Variants in ABCA10 observed in about 807,000 individuals in gnomAD.
ABCA10 encodes the protein ATP binding cassette subfamily A member 10.
Under a neutral mutation model 187.5 loss-of-function variants are expected in ABCA10, and 169 were observed. That is an observed-to-expected ratio of 0.90 (90% CI 0.80 to 1.02). The LOEUF is 1.02. ABCA10 is among the 50% of genes least tolerant of loss of function. The pLI is 0.00. For missense variants in ABCA10, 1,727 were observed against 1,812.4 expected, an observed-to-expected ratio of 0.95 and a Z score of 0.86; for synonymous variants, 574 against 601.8, an observed-to-expected ratio of 0.95 and a Z score of 0.68.
chr17:69,201,534 C>A lies in ABCA10; in HGVS notation c.1141G>T (p.Val381Leu), dbSNP rs766856480. The change falls in exon 10 of 39, where the codon GTG becomes TTG. Residue 381 changes from valine (V) to leucine (L), a missense_variant. By Grantham distance (32) the Val-to-Leu change is conservative. Transcript: ENST00000690296. ...EHSSDDSFEP[V>L]SPEFHGKEAI... ...TCTTTTCCATGGAATTCTGGAGACA[C>A]CGGTTCAAAAGAATCATCAGAGGAA... The A allele has an allele frequency of 9.2e-5, 148 of 1,605,070 alleles. No individual in the cohort carries two copies. The highest frequency in any genetic ancestry group is 1.2e-4 in the Non-Finnish European group (140 of 1,177,234).
In ABCA10 at chr17:69,221,830, C is replaced by T; in HGVS notation, c.265G>A (p.Val89Ile). Residue 89 changes from valine (V) to isoleucine (I), a missense_variant, in exon 5 of 39, where the codon GTA (valine) becomes ATA (isoleucine). Coordinates refer to ENST00000690296, the MANE Select transcript of ABCA10 (RefSeq NM_001377321.1). ...YLAKYWLKGF[V>I]AFQAAINAAI... Reference sequence around the variant, plus strand: ...GCATTAATTGCAGCTTGAAAAGCTACAAACCCTTTTAGCCAGTACTTTGCC... The same window carrying T: ...GCATTAATTGCAGCTTGAAAAGCTATAAACCCTTTTAGCCAGTACTTTGCC... The T allele has an allele frequency of 5.6e-6, 9 of 1,613,504 alleles. No individual in the cohort carries two copies. Among genetic ancestry groups the T allele is most frequent in the Non-Finnish European group, 6.8e-6 (8 of 1,179,752 alleles).
In ABCA10 at chr17:69,156,849, A is replaced by T; in HGVS notation, c.3438T>A (p.Asn1146Lys). The T allele has an allele frequency of 1.1e-5, 18 of 1,580,926 alleles. No individual in the cohort carries two copies. Among genetic ancestry groups the T allele is most frequent in the Non-Finnish European group, 1.5e-5 (18 of 1,161,642 alleles). The change falls in exon 28 of 39, where the codon AAT becomes AAA. Residue 1146 changes from asparagine to lysine, a missense_variant. Asn to Lys is a moderately conservative substitution (Grantham distance 94). Coordinates refer to ENST00000690296, the MANE Select transcript of ABCA10 (RefSeq NM_001377321.1). ...LEMKYGNEIMNKDPVFRISPR... is the reference protein window; with the variant it reads ...LEMKYGNEIMKKDPVFRISPR... Reference sequence around the variant, plus strand: ...TTCCCAACCTGAAAACTGGGTCTTTATTCATTATTTCATTTCCATACTTCA... The same window carrying T: ...TTCCCAACCTGAAAACTGGGTCTTTTTTCATTATTTCATTTCCATACTTCA...
intron 23 of ABCA10, 145 bp from the exon 24 acceptor site, chr17:69,174,922 C>T (rs1477625249): frequency 1.1e-5 from 7 of 645,956 alleles, no homozygotes; most frequent in Non-Finnish European, 1.6e-5. Context: ...AATCTAGCAT[C>T]TCCAATGGAA....
rs532025360 is a variant in ABCA10, at chr17:69,168,444, G to C, written c.3163-3361C>G. On this transcript the variant is annotated intron_variant, in intron 25 of 38. Transcript: ENST00000690296. ...TCCCAAGCAAAGTATCTGGCACATA[G>C]GAAGATACAATCAATATGAATGAAT... 3.1e-3 allele frequency among the ~76,000 whole-genome samples: 475 copies of C among 152,174 alleles called. 3 individuals are homozygous for C. Among genetic ancestry groups the C allele is most frequent in the African/African-American group, 0.011 (457 of 41,510 alleles).
chr17:69,214,612 A>T, intron 9 of ABCA10, 92 bp downstream of exon 9: 1 of 1,155,236 alleles, frequency 8.7e-7, no homozygotes, highest in South Asian at 2.3e-5. Flanking sequence ...ACTATCAGAA[A>T]TGCTTCTTAA....
rs771346448 is a variant in ABCA10, at chr17:69,214,768, GA to G, written c.941del (p.Phe314SerfsTer11). 3 of 1,513,220 alleles carry G rather than the reference GA, an allele frequency of 2.0e-6. No homozygotes were observed. Among genetic ancestry groups the G allele is most frequent in the East Asian group, 5.3e-5 (2 of 37,828 alleles). 93.7% of individuals were successfully genotyped at this position (1,513,220 alleles called of 1,614,324 possible). A position where few individuals can be genotyped will look rare whatever the true frequency, so the allele number is the denominator to read the frequency against. Reference sequence around the variant, plus strand: ...AGAAAAGAGTATCAAATGCCAAAATGAAAAAAGTGGCTATCATTTTGTATGA... The same window carrying G: ...AGAAAAGAGTATCAAATGCCAAAATGAAAAAGTGGCTATCATTTTGTATGA... ...GDSYKMIATF[F>X]ILAFDTLFYL... On this transcript the variant is annotated frameshift_variant, in exon 9 of 39. Coordinates refer to ENST00000690296, the MANE Select transcript of ABCA10 (RefSeq NM_001377321.1). LOFTEE classifies it high-confidence loss of function.
chr17:69,243,749 T>C (rs542680911), intron 1 of ABCA10, among the ~76,000 whole-genome samples: 1 of 152,074 alleles, frequency 6.6e-6, no homozygotes, highest in Non-Finnish European at 1.5e-5. Context: ...AATACGAAAA[T>C]TAGCTGAGTG....
chr17:69,173,528 T>G (rs1277646228), intron 25 of ABCA10, among the ~76,000 whole-genome samples: 1 of 152,020 alleles, frequency 6.6e-6, no homozygotes, highest in Non-Finnish European at 1.5e-5. Flanking sequence ...AGAGTCAAAG[T>G]GTAGACCTTG....
intron 9 of ABCA10, among the ~76,000 whole-genome samples, chr17:69,213,823 C>T (rs1385049945): frequency 1.3e-5 from 2 of 152,178 alleles, no homozygotes; most frequent in Non-Finnish European, 2.9e-5. Context: ...AAAGTTATTA[C>T]AAAATTCAGC....
Position 69,174,410 on chromosome 17 carries a change from A to C in ABCA10, c.3049-16T>G, listed in dbSNP as rs370147247. 3 of 1,554,362 alleles carry C rather than the reference A, an allele frequency of 1.9e-6. No homozygotes were observed. The highest frequency in any genetic ancestry group is 2.6e-6 in the Non-Finnish European group (3 of 1,144,338). On this transcript the variant is annotated splice_polypyrimidine_tract_variant and intron_variant, in intron 24 of 38. Coordinates refer to ENST00000690296, the MANE Select transcript of ABCA10 (RefSeq NM_001377321.1). ...TGCATACCACCTGCAAATAATGAGGATCAATGGCAAGATTAGAAATGGCAG... is the reference window on the plus strand; with the variant it reads ...TGCATACCACCTGCAAATAATGAGGCTCAATGGCAAGATTAGAAATGGCAG...
chr17:69,148,885 A>C lies in ABCA10; in HGVS notation c.4574T>G (p.Val1525Gly), dbSNP rs1370201602. Residue 1525 changes from valine to glycine, a missense_variant, in exon 39 of 39, where the codon GTT (valine) becomes GGT (glycine). By Grantham distance (109) the Val-to-Gly change is moderately radical. Transcript: ENST00000690296. ...ELCKEQELGNVDDKIDTTVEW... is the reference protein window; with the variant it reads ...ELCKEQELGNGDDKIDTTVEW... ...AACTGTTGTATCAATTTTATCATCA[A>C]CATTTCCCAGCTCCTGCTCTTTACA... The C allele has an allele frequency of 9.3e-6, 15 of 1,613,634 alleles. No individual in the cohort carries two copies. The Admixed American group carries it at 1.5e-4, about 16-fold the overall frequency.
intron 32 of ABCA10, 135 bp downstream of exon 32, chr17:69,153,696 T>C (rs2074148857): frequency 3.5e-6 from 5 of 1,441,500 alleles, no homozygotes; most frequent in Non-Finnish European, 1.9e-6. Flanking sequence ...GATTTGGTTC[T>C]TATTCAGGTA....
In ABCA10 at chr17:69,216,263, C is replaced by A. The variant is rs2144840119; in HGVS notation, c.626G>T (p.Gly209Val). Residue 209 changes from glycine (G) to valine (V), a missense_variant, in exon 7 of 39, where the codon GGC becomes GTC. Physicochemically the swap from Gly to Val is moderately radical, Grantham distance 109. Transcript: ENST00000690296. ...ATAGAGTGTGAATATCACCATGAAGCCAGTATGAAATACAATTGGGATTGA... is the reference window on the plus strand; with the variant it reads ...ATAGAGTGTGAATATCACCATGAAGACAGTATGAAATACAATTGGGATTGA... The part of the protein sequence containing the change: ...ITSIPIVFHT[G>V]FMVIFTLYSL... 3 of 1,613,492 alleles carry A rather than the reference C, an allele frequency of 1.9e-6. No homozygotes were observed. The highest frequency in any genetic ancestry group is 1.7e-4 in the Middle Eastern group (1 of 6,042).
Position 69,219,543 on chromosome 17 carries a change from AC to A in ABCA10, c.530+1del. On this transcript the variant is annotated splice_donor_variant, in intron 6 of 38. Coordinates refer to ENST00000690296, the MANE Select transcript of ABCA10 (RefSeq NM_001377321.1). LOFTEE classifies it high-confidence loss of function. Reference sequence around the variant, plus strand: ...ATACAGTAAAGTAGCAACTTAACTTACCAGAATGCTGACTCTCGGAGACCCA... The same window carrying A: ...ATACAGTAAAGTAGCAACTTAACTTACAGAATGCTGACTCTCGGAGACCCA... 1 of 1,553,358 alleles carries A rather than the reference AC, an allele frequency of 6.4e-7. No homozygotes were observed. The highest frequency in any genetic ancestry group is 8.7e-7 in the Non-Finnish European group (1 of 1,149,408).
At chr17:69,161,157 A>G (rs957476085) in intron 27 of ABCA10, among the ~76,000 whole-genome samples, 2 of 152,174 alleles carry the variant, frequency 1.3e-5, no homozygotes, top group African/African-American at 4.8e-5. Flanking sequence ...TAGTCACAAA[A>G]AGACAGATAC....
chr17:69,172,241 T>TA (rs2074303660), intron 25 of ABCA10, among the ~76,000 whole-genome samples: 1 of 152,126 alleles, frequency 6.6e-6, no homozygotes, highest in Admixed American at 6.6e-5. Context: ...TCAGGGGTGT[T>TA]ATGGGCTGAA....
At chr17:69,162,016 G>T (rs953455234) in intron 27 of ABCA10, among the ~76,000 whole-genome samples, 4 of 152,174 alleles carry the variant, frequency 2.6e-5, no homozygotes, top group Non-Finnish European at 5.9e-5. Flanking sequence ...GAAGAGGACT[G>T]ACAATTAACA....
intron 18 of ABCA10, among the ~76,000 whole-genome samples, chr17:69,188,842 C>G (rs1355587964): frequency 2.6e-5 from 4 of 152,076 alleles, no homozygotes; most frequent in Non-Finnish European, 5.9e-5. Context: ...CCAGCTTACT[C>G]CATGTTGCTG....
At chr17:69,231,413 C>A (rs1444691037), upstream of ABCA10, among the ~76,000 whole-genome samples, 3 of 152,114 alleles carry the variant, frequency 2.0e-5, no homozygotes, top group Non-Finnish European at 4.4e-5. Context: ...TTGCTATAAA[C>A]TTCCCTCTTA....
Sources: gnomAD v4.1 joint callset for allele counts (sites outside exome capture counted in the v4.1 genomes callset) on GRCh38, gnomAD v4.1.1 for gene constraint, MANE v1.5 for transcripts, NCBI Gene and HGNC (gene_info 2026-07-23, HGNC 2026-07-21) for gene names.